NUDC: variants seen among roughly 807,000 people sequenced by gnomAD.
NUDC encodes nuclear distribution C, dynein complex regulator, also known as nuclear migration protein nudC.
A neutral mutation model predicts 45.0 loss-of-function variants in NUDC; 14 were observed. That is an observed-to-expected ratio of 0.31 (90% CI 0.21 to 0.49). NUDC has a LOEUF of 0.49. Ranked by LOEUF, NUDC falls within the 20% of genes least tolerant of loss-of-function variation. NUDC has a pLI of 0.99. For synonymous variants in NUDC, 153 were observed against 156.7 expected (o/e 0.98, Z 0.17); for missense variants, 323 against 426.2 (o/e 0.76, Z 2.13).
intron 2 of NUDC, among the ~76,000 whole-genome samples, chr1:26,905,117 C>T (rs1377248689): frequency 6.7e-6 from 1 of 148,290 alleles, no homozygotes; most frequent in African/African-American, 2.5e-5. Context: ...GGATTACAGG[C>T]GTGAGCGACT....
chr1:26,913,037 C>G (rs1186255268), intron 3 of NUDC, among the ~76,000 whole-genome samples: 2 of 152,206 alleles, frequency 1.3e-5, no homozygotes, highest in Non-Finnish European at 2.9e-5. Flanking sequence ...AATCCCAGCA[C>G]TTTGGGAGGC....
At chr1:26,923,578 C>A (rs897935166) in intron 1 of NUDC, among the ~76,000 whole-genome samples, 1 of 152,072 alleles carries the variant, frequency 6.6e-6, no homozygotes, top group Non-Finnish European at 1.5e-5. Flanking sequence ...TCAAGTGATT[C>A]TCTGCCTCAG....
At chr1:26,934,878 C>T (rs368904199) in intron 2 of NUDC, among the ~76,000 whole-genome samples, 4 of 152,172 alleles carry the variant, frequency 2.6e-5, no homozygotes, top group South Asian at 2.1e-4. Context: ...AGGATGGTCT[C>T]GATCTCCTGG....
intron 2 of NUDC, among the ~76,000 whole-genome samples, chr1:26,936,805 C>G (rs542239071): frequency 7.8e-4 from 119 of 152,238 alleles, no homozygotes; most frequent in African/African-American, 2.6e-3. Context: ...CGTTCTGACA[C>G]CAAATGTGTG....
chr1:26,904,654 CTA>C (rs781106771), intron 2 of NUDC, among the ~76,000 whole-genome samples: 5 of 152,080 alleles, frequency 3.3e-5, no homozygotes, highest in Admixed American at 2.6e-4. Context: ...GACAGATCAT[CTA>C]AGCTCAAATC....
intron 2 of NUDC, chr1:26,929,681 G>T: frequency 2.4e-6 from 1 of 421,298 alleles, no homozygotes; most frequent in Non-Finnish European, 4.9e-6. Context: ...CATATTTTTT[G>T]ATGAGTAAAT....
chr1:26,932,312 G>A (rs2082190291), intron 2 of NUDC, among the ~76,000 whole-genome samples: 1 of 151,910 alleles, frequency 6.6e-6, no homozygotes, highest in East Asian at 1.9e-4. Flanking sequence ...GAGTAGCTGG[G>A]ATTACAGGTG....
At chr1:26,923,001 GCATCAGATTTAATCA>G (rs2082103474) in intron 1 of NUDC, among the ~76,000 whole-genome samples, 1 of 152,204 alleles carries the variant, frequency 6.6e-6, no homozygotes. Context: ...ATATGTTCTA[GCATCAGATTTAATCA>G]GATTTAGACC....
chr1:26,929,822 G>A lies in NUDC; in HGVS notation c.159+5656G>A, dbSNP rs373856750. ...GTGGATCACCTGAGGTCAGGAGTTA[G>A]AGGCCAGCCTGGCCAATATGGTGAA... On this transcript the variant is annotated intron_variant, in intron 2 of 8. Transcript: ENST00000321265. The A allele has an allele frequency of 1.4e-4, 27 of 198,268 alleles. No homozygotes were observed. In the East Asian group the frequency reaches 3.7e-3, roughly 27 times the overall value. The allele number at this position is 198,268 out of a possible 1,614,324, so 12.3% of individuals were successfully genotyped here.
At position 26,943,061 on chromosome 1, in the gene NUDC, A is replaced by C; in HGVS notation, c.737A>C (p.Glu246Ala). The C allele has an allele frequency of 5.0e-6, 8 of 1,613,962 alleles. No individual in the cohort carries two copies. Among genetic ancestry groups the C allele is most frequent in the Non-Finnish European group, 6.8e-6 (8 of 1,180,004 alleles). Residue 246 changes from glutamate to alanine, a missense_variant, in exon 6 of 9, where the codon GAG (glutamate) becomes GCG (alanine). Around this residue, in one of 3 missense-constraint regions of NUDC, gnomAD observed 245 missense variants for 278.8 expected, o/e 0.88. Coordinates refer to ENST00000321265, the MANE Select transcript of NUDC (RefSeq NM_006600.4). ...EDGKVVTVHL[E>A]KINKMEWWSR... ...GGCAAGGTGGTGACTGTGCATCTGGAGAAGGTATGTGAGGCCCAGCCCTTC... is the reference window on the plus strand; with the variant it reads ...GGCAAGGTGGTGACTGTGCATCTGGCGAAGGTATGTGAGGCCCAGCCCTTC...
chr1:26,908,885 G>A (rs1298752303), intron 2 of NUDC, among the ~76,000 whole-genome samples: 1 of 151,846 alleles, frequency 6.6e-6, no homozygotes, highest in Non-Finnish European at 1.5e-5. Context: ...GGGAGCCACC[G>A]CACCTGGCTA....
chr1:26,904,591 C>T (rs1284645219), intron 2 of NUDC, among the ~76,000 whole-genome samples: 1 of 152,082 alleles, frequency 6.6e-6, no homozygotes, highest in African/African-American at 2.4e-5. Context: ...GCACCTGGCT[C>T]ACCCCTGACT....
At chr1:26,939,664 G>A (rs942228011) in intron 2 of NUDC, among the ~76,000 whole-genome samples, 5 of 152,120 alleles carry the variant, frequency 3.3e-5, no homozygotes, top group Non-Finnish European at 7.4e-5. Context: ...GCAGGTAAGA[G>A]TAGACCAGGA....
intron 2 of NUDC, among the ~76,000 whole-genome samples, chr1:26,929,455 A>C (rs1434665362): frequency 6.6e-6 from 1 of 152,076 alleles, no homozygotes; most frequent in Non-Finnish European, 1.5e-5. Flanking sequence ...CTAATTACTT[A>C]CATCCGTAGC....
chr1:26,907,559 A>G (rs1246527240), intron 2 of NUDC, among the ~76,000 whole-genome samples: 1 of 151,040 alleles, frequency 6.6e-6, no homozygotes, highest in East Asian at 1.9e-4. Flanking sequence ...GGATATTTGA[A>G]TGCCCCAAGG....
chr1:26,929,688 A>G, intron 2 of NUDC: 1 of 434,966 alleles, frequency 2.3e-6, no homozygotes, highest in Non-Finnish European at 4.7e-6. Flanking sequence ...TTTGATGAGT[A>G]AATATTATGT....
intron 2 of NUDC, among the ~76,000 whole-genome samples, chr1:26,933,758 G>T (rs2082202708): frequency 6.6e-6 from 1 of 152,168 alleles, no homozygotes; most frequent in Admixed American, 6.6e-5. Flanking sequence ...TTCCATAGCA[G>T]ATGCACCATT....
chr1:26,903,791 A>T (rs2081990651), intron 2 of NUDC, among the ~76,000 whole-genome samples: 1 of 151,940 alleles, frequency 6.6e-6, no homozygotes, highest in Admixed American at 6.6e-5. Flanking sequence ...TGGGCGGATC[A>T]CAAGGTCAGG....
chr1:26,920,781 A>AC (rs2082085988), upstream of NUDC, among the ~76,000 whole-genome samples: 3 of 132,150 alleles, frequency 2.3e-5, no homozygotes, highest in Admixed American at 1.4e-4. Flanking sequence ...AAAAACAAAA[A>AC]AAAAAAAACA....
Sources: gnomAD v4.1 joint callset for allele counts (sites outside exome capture counted in the v4.1 genomes callset) on GRCh38, gnomAD v4.1.1 for gene constraint, gnomAD v4.1.1 regional missense constraint, MANE v1.5 for transcripts, NCBI Gene and HGNC (gene_info 2026-07-23, HGNC 2026-07-21) for gene names.